The following NUP210L variants were observed in gnomAD, a reference collection of about 807,000 sequenced individuals.
The protein encoded by NUP210L is nucleoporin 210 like.
A neutral mutation model predicts 208.5 loss-of-function variants in NUP210L; 74 were observed. That is an observed-to-expected ratio of 0.35 (90% CI 0.29 to 0.43). The LOEUF is 0.43. NUP210L is among the 20% of genes least tolerant of loss of function. The pLI, the probability that NUP210L is intolerant of heterozygous loss-of-function variation, is 1.00. For synonymous variants in NUP210L, 780 were observed against 816.9 expected (o/e 0.95, Z 0.77); for missense variants, 1,843 against 2,289.4 (o/e 0.81, Z 3.98).
chr1:153,996,096 T>G (rs544027676), intron 37 of NUP210L: 6 of 297,836 alleles, frequency 2.0e-5, no homozygotes, highest in African/African-American at 4.4e-5. Flanking sequence ...ATCAAGACCA[T>G]CCTGGCTAAC....
At chr1:154,098,050 G>C (rs1656259687) in intron 14 of NUP210L, among the ~76,000 whole-genome samples, 1 of 152,230 alleles carries the variant, frequency 6.6e-6, no homozygotes, top group Non-Finnish European at 1.5e-5. Context: ...AGGTGTGTGA[G>C]TGAGGAAGCA....
intron 12 of NUP210L, among the ~76,000 whole-genome samples, chr1:154,117,137 A>T (rs1657370419): frequency 6.6e-6 from 1 of 152,200 alleles, no homozygotes; most frequent in Non-Finnish European, 1.5e-5. Flanking sequence ...TTTTTCCTCA[A>T]ATTTTCCAGT....
exon 18 of NUP210L, chr1:154,061,673 A>G: frequency 2.5e-6 from 4 of 1,581,212 alleles, no homozygotes; most frequent in Non-Finnish European, 3.5e-6. Context: ...GGATCTGATG[A>G]CCTGGAAACA....
chr1:154,004,583 T>C (rs1403784004), intron 35 of NUP210L, among the ~76,000 whole-genome samples: 1 of 151,950 alleles, frequency 6.6e-6, no homozygotes, highest in Non-Finnish European at 1.5e-5. Flanking sequence ...CTTGAACTCC[T>C]GACCTCAAAT....
At chr1:154,134,654 G>A (rs1658431823) in intron 7 of NUP210L, among the ~76,000 whole-genome samples, 1 of 132,818 alleles carries the variant, frequency 7.5e-6, no homozygotes, top group African/African-American at 2.9e-5. Context: ...GGAGAACGGC[G>A]TGAACCCCGG....
intron 27 of NUP210L, among the ~76,000 whole-genome samples, chr1:154,031,330 T>G (rs1040504276): frequency 2.0e-5 from 3 of 152,154 alleles, no homozygotes; most frequent in African/African-American, 7.2e-5. Flanking sequence ...CCTCAGATGA[T>G]CCACCCACCT....
intron 16 of NUP210L, 27 bp downstream of exon 16, chr1:154,089,394 T>C: frequency 1.9e-6 from 3 of 1,596,022 alleles, no homozygotes; most frequent in Non-Finnish European, 2.6e-6. Flanking sequence ...AAGTGCCAAC[T>C]TAGTTGGAAA....
At chr1:154,019,218 G>A (rs1571174989) in intron 32 of NUP210L, 149 bp from the exon 33 acceptor site, 3 of 700,164 alleles carry the variant, frequency 4.3e-6, no homozygotes, top group East Asian at 2.7e-5. Flanking sequence ...TGTTTTCTCA[G>A]TGTCAGGTTC....
chr1:154,149,616 G>A (rs1322744726), intron 2 of NUP210L, among the ~76,000 whole-genome samples: 5 of 152,184 alleles, frequency 3.3e-5, no homozygotes, highest in African/African-American at 9.7e-5. Flanking sequence ...GGCTGAAGTA[G>A]GGGGATCACT....
chr1:154,140,108 T>C (rs914034235), intron 4 of NUP210L, among the ~76,000 whole-genome samples, 156 bp from the exon 5 acceptor site: 2 of 152,156 alleles, frequency 1.3e-5, no homozygotes, highest in African/African-American at 4.8e-5. Flanking sequence ...CCTAGCACTT[T>C]GGGAGGCCAA....
At chr1:154,057,042 G>T in intron 22 of NUP210L, 95 bp from the exon 23 acceptor site, 1 of 1,235,508 alleles carries the variant, frequency 8.1e-7, no homozygotes. Context: ...GCAGTGGCAT[G>T]ATCTCAGCTC....
At chr1:154,113,461 T>C (rs1280529773) in intron 12 of NUP210L, among the ~76,000 whole-genome samples, 2 of 151,968 alleles carry the variant, frequency 1.3e-5, no homozygotes, top group Admixed American at 1.3e-4. Context: ...CCTGTTTTTG[T>C]ACAATGAGCT....
At chr1:154,076,831 C>A (rs1028192259) in intron 16 of NUP210L, among the ~76,000 whole-genome samples, 1 of 151,984 alleles carries the variant, frequency 6.6e-6, no homozygotes, top group Non-Finnish European at 1.5e-5. Flanking sequence ...CCAAAACTTA[C>A]CAAATTGATG....
At position 154,154,755 on chromosome 1, in the gene NUP210L, T is replaced by C; in HGVS notation, c.203+87A>G. ...CCCCTTCACGCGGCCCCACACGGTA[T>C]TCCTGTGGGATCTTACAGAGGGAAC... On this transcript the variant is annotated intron_variant, in intron 1 of 39. Transcript: ENST00000368559. 8.3e-6 allele frequency: 9 copies of C among 1,085,016 alleles called. No individual in the cohort carries two copies. In the South Asian group the frequency reaches 1.2e-4, roughly 14 times the overall value. 67.2% of individuals were successfully genotyped at this position (1,085,016 alleles called of 1,614,324 possible).
chr1:154,142,570 A>G (rs185614475), intron 3 of NUP210L, among the ~76,000 whole-genome samples: 48 of 152,262 alleles, frequency 3.2e-4, no homozygotes, highest in Non-Finnish European at 6.2e-4. Context: ...CCATCAACAG[A>G]AGCTCAGTGG....
At chr1:154,063,009 A>C (rs1013577499) in intron 17 of NUP210L, among the ~76,000 whole-genome samples, 3 of 152,188 alleles carry the variant, frequency 2.0e-5, no homozygotes, top group African/African-American at 7.2e-5. Context: ...TTCATTCAAC[A>C]AATATTTATT....
chr1:154,085,785 T>C (rs1304236180), intron 16 of NUP210L, among the ~76,000 whole-genome samples: 1 of 152,212 alleles, frequency 6.6e-6, no homozygotes, highest in African/African-American at 2.4e-5. Flanking sequence ...GATTAATAGA[T>C]TTTAGAGTCC....
chr1:154,074,079 A>G (rs1201497542), intron 16 of NUP210L, among the ~76,000 whole-genome samples: 1 of 151,778 alleles, frequency 6.6e-6, no homozygotes, highest in Non-Finnish European at 1.5e-5. Context: ...CTTGCACATA[A>G]TATCAGGTTG....
intron 25 of NUP210L, among the ~76,000 whole-genome samples, chr1:154,052,767 T>C (rs1471958061): frequency 1.3e-5 from 2 of 152,164 alleles, no homozygotes; most frequent in South Asian, 2.1e-4. Flanking sequence ...CCAGAAATAA[T>C]GAATGTACTT....
Sources: gnomAD v4.1 joint callset for allele counts (sites outside exome capture counted in the v4.1 genomes callset) on GRCh38, gnomAD v4.1.1 for gene constraint, MANE v1.5 for transcripts, NCBI Gene and HGNC (gene_info 2026-07-23, HGNC 2026-07-21) for gene names.